Variants in TNKS observed in about 807,000 individuals in gnomAD.
TNKS encodes poly [ADP-ribose] polymerase tankyrase-1.
In TNKS, 72 loss-of-function variants were observed where a neutral mutation model predicts 135.8. The ratio of observed to expected loss-of-function variants is 0.53; its 90% CI spans 0.44 to 0.64. TNKS has a LOEUF of 0.64. Ranked by LOEUF, TNKS falls within the 30% of genes least tolerant of loss-of-function variation. TNKS has a pLI of 0.00. For synonymous variants in TNKS, 849 were observed against 649.3 expected, an observed-to-expected ratio of 1.31 and a Z score of -4.68; for missense variants, 1,769 against 1,674.0, an observed-to-expected ratio of 1.06 and a Z score of -0.99.
chr8:9,568,033 A>G (rs1419026871), intron 1 of TNKS, among the ~76,000 whole-genome samples: 1 of 152,224 alleles, frequency 6.6e-6, no homozygotes, highest in Non-Finnish European at 1.5e-5. Flanking sequence ...TATGGAAAAT[A>G]GTATATTTAA....
chr8:9,656,497 C>T (rs1323628254), intron 3 of TNKS, among the ~76,000 whole-genome samples: 4 of 151,960 alleles, frequency 2.6e-5, no homozygotes, highest in African/African-American at 4.8e-5. Context: ...AGAGAAAGGT[C>T]GGGTTACCCA....
intron 2 of TNKS, among the ~76,000 whole-genome samples, chr8:9,609,743 T>C (rs1246137049): frequency 1.3e-5 from 2 of 152,222 alleles, no homozygotes; most frequent in East Asian, 1.9e-4. Context: ...AAGGGTAGAT[T>C]TAAATAAGCT....
intron 11 of TNKS, among the ~76,000 whole-genome samples, chr8:9,718,796 A>C (rs958552223): frequency 3.9e-5 from 6 of 152,222 alleles, no homozygotes; most frequent in Non-Finnish European, 7.3e-5. Context: ...CATTAAATGT[A>C]GGAGTCTCTT....
chr8:9,733,467 A>G, intron 15 of TNKS, 23 bp downstream of exon 15: 1 of 1,576,786 alleles, frequency 6.3e-7, no homozygotes, highest in Non-Finnish European at 8.7e-7. Flanking sequence ...AAAAGTTATG[A>G]AATATAACTA....
chr8:9,563,875 C>T (rs1295077906), intron 1 of TNKS, among the ~76,000 whole-genome samples: 2 of 151,990 alleles, frequency 1.3e-5, no homozygotes, highest in Non-Finnish European at 2.9e-5. Flanking sequence ...CAGTTACTTT[C>T]GTTGCTCATT....
At chr8:9,562,037 G>C (rs77128001) in intron 1 of TNKS, among the ~76,000 whole-genome samples, 11,993 of 152,000 alleles carry the variant, frequency 0.079, 543 homozygotes, top group South Asian at 0.17. Flanking sequence ...GGCTGGTCAC[G>C]AACTCCTGAC....
chr8:9,596,441 C>T (rs192678212), intron 2 of TNKS, among the ~76,000 whole-genome samples: 191 of 152,240 alleles, frequency 1.3e-3, no homozygotes, highest in African/African-American at 4.5e-3. Context: ...ATAGGCTTTA[C>T]ATTTGTACTT....
chr8:9,700,571 A>T (rs1463228016), intron 5 of TNKS, among the ~76,000 whole-genome samples: 1 of 150,364 alleles, frequency 6.7e-6, no homozygotes, highest in African/African-American at 2.4e-5. Flanking sequence ...CAGACCTCAC[A>T]TTATTTCCCT....
intron 11 of TNKS, among the ~76,000 whole-genome samples, chr8:9,710,950 T>G (rs1421732246): frequency 4.6e-5 from 7 of 152,126 alleles, no homozygotes; most frequent in African/African-American, 1.4e-4. Context: ...ACCTCTACAC[T>G]AAAGAAATAT....
chr8:9,697,043 C>T lies in TNKS; in HGVS notation c.1108-7620C>T, dbSNP rs534646862. ...CCAGAGGCATCACACTACCCAAATTCAAACTATACTGTCAGGCTACAATAA... is the reference window on the plus strand; with the variant it reads ...CCAGAGGCATCACACTACCCAAATTTAAACTATACTGTCAGGCTACAATAA... On this transcript the variant is annotated intron_variant, in intron 5 of 26. Coordinates refer to ENST00000310430, the MANE Select transcript of TNKS (RefSeq NM_003747.3). 6.8e-4 allele frequency among the ~76,000 whole-genome samples: 103 copies of T among 152,256 alleles called. 1 individual carries two copies. In the South Asian group the frequency reaches 0.02, roughly 29 times the overall value.
intron 2 of TNKS, among the ~76,000 whole-genome samples, chr8:9,600,790 C>G (rs1340318426): frequency 1.3e-5 from 2 of 152,088 alleles, no homozygotes; most frequent in African/African-American, 4.8e-5. Flanking sequence ...ATATGAAAGA[C>G]AAAGACTTTC....
intron 3 of TNKS, among the ~76,000 whole-genome samples, chr8:9,634,985 G>T (rs1009769533): frequency 6.6e-6 from 1 of 151,736 alleles, no homozygotes; most frequent in African/African-American, 2.4e-5. Flanking sequence ...AGACCACGGT[G>T]AAACCCCGTC....
chr8:9,671,552 A>T (rs370208784), intron 3 of TNKS, among the ~76,000 whole-genome samples: 1 of 152,232 alleles, frequency 6.6e-6, no homozygotes, highest in Admixed American at 6.5e-5. Context: ...ATTCCGTAAA[A>T]TAAAACTGGG....
intron 2 of TNKS, among the ~76,000 whole-genome samples, chr8:9,614,659 T>C (rs543522456): frequency 7.9e-5 from 12 of 152,302 alleles, no homozygotes; most frequent in Admixed American, 6.5e-4. Context: ...CGGTAGTGCC[T>C]CATAACTTAC....
intron 8 of TNKS, 82 bp from the exon 9 acceptor site, chr8:9,708,288 TA>T: frequency 8.6e-7 from 1 of 1,169,294 alleles, no homozygotes; most frequent in Non-Finnish European, 1.2e-6. Context: ...AAAATAATAA[TA>T]TTCCTACTTA....
intron 26 of TNKS, chr8:9,772,252 C>T (rs1365885988): frequency 2.7e-6 from 1 of 377,130 alleles, no homozygotes; most frequent in Non-Finnish European, 5.3e-6. Context: ...GACTTACTTT[C>T]AAAGGGGGCT....
At chr8:9,764,218 C>T (rs968641300) in intron 22 of TNKS, among the ~76,000 whole-genome samples, 10 of 152,010 alleles carry the variant, frequency 6.6e-5, no homozygotes, top group Admixed American at 1.3e-4. Flanking sequence ...AGTCAGAAGA[C>T]AGTTATTCCC....
intron 5 of TNKS, among the ~76,000 whole-genome samples, chr8:9,689,195 T>A (rs1244021199): frequency 6.6e-6 from 1 of 152,228 alleles, no homozygotes; most frequent in Non-Finnish European, 1.5e-5. Flanking sequence ...CTTCTCTGTC[T>A]CACACATATG....
chr8:9,626,074 G>A (rs1456422638), intron 3 of TNKS, among the ~76,000 whole-genome samples: 1 of 151,968 alleles, frequency 6.6e-6, no homozygotes, highest in Admixed American at 6.6e-5. Flanking sequence ...CATATATTTT[G>A]TAGCTTTGTT....
Sources: allele counts gnomAD v4.1 joint callset (sites outside exome capture counted in the v4.1 genomes callset), GRCh38; gene constraint gnomAD v4.1.1; transcripts MANE v1.5; gene names NCBI Gene and HGNC (gene_info 2026-07-23, HGNC 2026-07-21).